The following PLXNC1 variants were observed in gnomAD, a reference collection of about 807,000 sequenced individuals.
The protein encoded by PLXNC1 is plexin C1, also known as plexin-C1.
Under a neutral mutation model 178.2 loss-of-function variants are expected in PLXNC1, and 75 were observed. The observed-to-expected ratio is 0.42, with a 90% CI of 0.35 to 0.51. The LOEUF (loss-of-function observed/expected upper bound fraction) is 0.51. Ranked by LOEUF, PLXNC1 falls within the 20% of genes least tolerant of loss-of-function variation. PLXNC1 has a pLI of 0.02. For synonymous variants in PLXNC1, 790 were observed against 779.9 expected, an observed-to-expected ratio of 1.01 and a Z score of -0.22; for missense variants, 1,503 against 1,984.4, an observed-to-expected ratio of 0.76 and a Z score of 4.61.
intron 23 of PLXNC1, among the ~76,000 whole-genome samples, chr12:94,293,322 T>C (rs1466933902): frequency 6.6e-6 from 1 of 152,228 alleles, no homozygotes; most frequent in African/African-American, 2.4e-5. Context: ...AGGACCTACA[T>C]GTGAAATGGC....
chr12:94,263,964 T>A (rs968825860), intron 20 of PLXNC1, among the ~76,000 whole-genome samples: 3 of 151,252 alleles, frequency 2.0e-5, no homozygotes, highest in African/African-American at 7.3e-5. Context: ...GGAAAGCAGG[T>A]GAGACCCAGT....
chr12:94,188,769 T>C (rs1158731201), intron 4 of PLXNC1, among the ~76,000 whole-genome samples: 1 of 152,176 alleles, frequency 6.6e-6, no homozygotes, highest in Non-Finnish European at 1.5e-5. Context: ...AAATATGACT[T>C]GGTGTGCCAG....
At chr12:94,160,133 C>G (rs1346727652) in intron 1 of PLXNC1, among the ~76,000 whole-genome samples, 2 of 152,022 alleles carry the variant, frequency 1.3e-5, no homozygotes, top group Non-Finnish European at 2.9e-5. Flanking sequence ...GTGCCAGGCC[C>G]TGTGTCAGGC....
chr12:94,235,326 T>C (rs1964211104), intron 9 of PLXNC1, among the ~76,000 whole-genome samples: 1 of 152,230 alleles, frequency 6.6e-6, no homozygotes, highest in Non-Finnish European at 1.5e-5. Context: ...AAATATAACT[T>C]CCTTAAAAAA....
chr12:94,209,768 T>C, intron 5 of PLXNC1, 64 bp downstream of exon 5: 1 of 982,046 alleles, frequency 1.0e-6, no homozygotes, highest in Non-Finnish European at 1.6e-6. Context: ...GGATGCTAAA[T>C]TTCTTCTGTG....
In PLXNC1 at chr12:94,150,067, C is replaced by A. The variant is rs545830619; in HGVS notation, c.1062+34C>A. ...TGCCCCCGGGGCGCCGCGGAGAGCGCTGCTGCCGGGGAGCCGCCGCCGCCG... is the reference window on the plus strand; with the variant it reads ...TGCCCCCGGGGCGCCGCGGAGAGCGATGCTGCCGGGGAGCCGCCGCCGCCG... On this transcript the variant is annotated intron_variant, in intron 1 of 30. Coordinates refer to ENST00000258526, the MANE Select transcript of PLXNC1 (RefSeq NM_005761.3). 3.4e-4 allele frequency: 513 copies of A among 1,500,640 alleles called. 3 individuals carry two copies. In the African/African-American group the frequency reaches 5.9e-3, roughly 17 times the overall value. 93.0% of individuals were successfully genotyped at this position (1,500,640 alleles called of 1,614,324 possible).
At chr12:94,175,562 G>A (rs574878762) in intron 2 of PLXNC1, among the ~76,000 whole-genome samples, 26 of 152,228 alleles carry the variant, frequency 1.7e-4, no homozygotes, top group Non-Finnish European at 2.8e-4. Flanking sequence ...CCCAAGGCTC[G>A]TTAATAGTCT....
At chr12:94,273,036 C>G (rs183912412) in intron 21 of PLXNC1, among the ~76,000 whole-genome samples, 2 of 152,276 alleles carry the variant, frequency 1.3e-5, no homozygotes, top group Non-Finnish European at 2.9e-5. Context: ...CCCACCGGCT[C>G]CATGATTTTG....
At chr12:94,202,667 C>G (rs17022193) in intron 4 of PLXNC1, among the ~76,000 whole-genome samples, 1 of 152,214 alleles carries the variant, frequency 6.6e-6, no homozygotes, top group African/African-American at 2.4e-5. Flanking sequence ...GGCACACGCT[C>G]GGGAGGGCCT....
chr12:94,264,841 G>A (rs1592830709), intron 20 of PLXNC1, among the ~76,000 whole-genome samples: 1 of 152,216 alleles, frequency 6.6e-6, no homozygotes, highest in Non-Finnish European at 1.5e-5. Context: ...ACTGCACGTC[G>A]CTGTGAATGT....
rs1261022537 is a variant in PLXNC1, at chr12:94,260,580, A to C, written c.3252-62A>C. 8.0e-7 allele frequency: 1 copy of C among 1,242,772 alleles called. No individual in the cohort carries two copies. The highest frequency in any genetic ancestry group is 1.1e-6 in the Non-Finnish European group (1 of 872,864). 77.0% of individuals were successfully genotyped at this position (1,242,772 alleles called of 1,614,324 possible). ...GCCCTGCCAGTGAGCTTCCATGGAA[A>C]CTCCCATGGGTGTCCAGCTAGGCCT... On this transcript the variant is annotated intron_variant, in intron 19 of 30. Transcript: ENST00000258526. The surrounding 1 kb of genome is among the most constrained non-coding windows in gnomAD (Gnocchi z 4.4).
At chr12:94,297,795 G>A (rs1242672645) in intron 26 of PLXNC1, among the ~76,000 whole-genome samples, 1 of 152,188 alleles carries the variant, frequency 6.6e-6, no homozygotes, top group Non-Finnish European at 1.5e-5. Context: ...AAATGAAGGG[G>A]ATGGGAAGGG....
intron 1 of PLXNC1, among the ~76,000 whole-genome samples, chr12:94,150,269 GGT>G (rs1291536883): frequency 1.3e-5 from 2 of 152,160 alleles, no homozygotes; most frequent in African/African-American, 2.4e-5. Context: ...GGGCGGGGAG[GGT>G]TGGAGTTAGA....
At chr12:94,185,598 C>G (rs951627775) in intron 3 of PLXNC1, among the ~76,000 whole-genome samples, 1 of 152,196 alleles carries the variant, frequency 6.6e-6, no homozygotes, top group Non-Finnish European at 1.5e-5. Flanking sequence ...TGGCAAGAGG[C>G]AGCTCTAGGG....
At chr12:94,182,417 CAAAAAAAAAAA>C (rs10596280) in intron 3 of PLXNC1, among the ~76,000 whole-genome samples, 2 of 43,386 alleles carry the variant, frequency 4.6e-5, no homozygotes, top group African/African-American at 9.1e-5. Flanking sequence ...GACCCTGTCT[CAAAAAAAAAAA>C]AAAAAAAAAA....
At chr12:94,174,766 A>G (rs2135948518) in intron 2 of PLXNC1, among the ~76,000 whole-genome samples, 1 of 152,340 alleles carries the variant, frequency 6.6e-6, no homozygotes, top group South Asian at 2.1e-4. Flanking sequence ...CTAACAGACC[A>G]AAAAGTTAAA....
In PLXNC1 at chr12:94,260,524, A is replaced by G. The variant is rs1592822387; in HGVS notation, c.3252-118A>G. On this transcript the variant is annotated intron_variant, in intron 19 of 30. Coordinates refer to ENST00000258526, the MANE Select transcript of PLXNC1 (RefSeq NM_005761.3). This position sits in a 1 kb window ranked among gnomAD's most constrained non-coding sequence, Gnocchi z 4.4. ...ATCTAAACATTAAAAAAAAAAAAAA[A>G]AAAGCTCCCAACCCAACAGGCCAGC... The G allele has an allele frequency of 1.3e-5, 8 of 614,260 alleles. No homozygotes were observed. The East Asian group carries it at 2.1e-4, about 16-fold the overall frequency. The allele number at this position is 614,260 out of a possible 1,614,324, so 38.1% of individuals were successfully genotyped here.
intron 2 of PLXNC1, among the ~76,000 whole-genome samples, chr12:94,181,213 C>T (rs925841289): frequency 3.3e-5 from 5 of 151,802 alleles, no homozygotes; most frequent in Admixed American, 6.6e-5. Flanking sequence ...TCCTGGCCAA[C>T]GTAGTGAAAC....
chr12:94,281,748 T>C (rs574225703), intron 22 of PLXNC1: 65 of 153,664 alleles, frequency 4.2e-4, no homozygotes, highest in African/African-American at 1.5e-3. Context: ...TCTTTAAATG[T>C]TGGCACTGAG....
Sources: allele counts gnomAD v4.1 joint callset (sites outside exome capture counted in the v4.1 genomes callset), GRCh38; gene constraint gnomAD v4.1.1; non-coding constraint Gnocchi (gnomAD v3.1); transcripts MANE v1.5; gene names NCBI Gene and HGNC (gene_info 2026-07-23, HGNC 2026-07-21).